The following GABRA2 variants were observed in gnomAD, a reference collection of about 807,000 sequenced individuals.
GABRA2 encodes gamma-aminobutyric acid receptor subunit alpha-2.
In GABRA2, 16 loss-of-function variants were observed where a neutral mutation model predicts 48.7. The observed-to-expected ratio is 0.33, with a 90% CI of 0.22 to 0.50. The LOEUF (loss-of-function observed/expected upper bound fraction) is 0.50. Among genes scored for constraint, GABRA2 ranks in the 20% least tolerant of loss-of-function variants. GABRA2 has a pLI of 0.98. For missense variants in GABRA2, 275 were observed against 535.6 expected (o/e 0.51, Z 4.80); for synonymous variants, 185 against 184.5 (o/e 1.00, Z -0.02).
intron 9 of GABRA2, chr4:46,261,091 T>C (rs974144515): frequency 1.3e-5 from 2 of 151,988 alleles, no homozygotes; most frequent in Admixed American, 6.6e-5. Flanking sequence ...AGAATATAGA[T>C]GATTATGATA....
chr4:46,366,981 ACT>A (rs1244983600), intron 3 of GABRA2: 44 of 152,042 alleles, frequency 2.9e-4, no homozygotes, highest in Non-Finnish European at 1.3e-4. Context: ...ATTACAGATG[ACT>A]GAAGCCATAG....
At chr4:46,338,907 G>A (rs996394792) in intron 3 of GABRA2, among the ~76,000 whole-genome samples, 2 of 151,908 alleles carry the variant, frequency 1.3e-5, no homozygotes, top group Non-Finnish European at 2.9e-5. Context: ...TAAAGCCACT[G>A]CAGTTTCAAA....
intron 4 of GABRA2, among the ~76,000 whole-genome samples, chr4:46,319,986 G>T (rs1028561336): frequency 6.6e-6 from 1 of 151,502 alleles, no homozygotes; most frequent in African/African-American, 2.4e-5. Flanking sequence ...AAGACAGAGA[G>T]GCAAGATTTG....
At chr4:46,379,075 T>C (rs1277745890) in intron 3 of GABRA2, among the ~76,000 whole-genome samples, 1 of 152,232 alleles carries the variant, frequency 6.6e-6, no homozygotes, top group Non-Finnish European at 1.5e-5. Context: ...GAAGCCTATC[T>C]TAGTCCCATT....
intron 8 of GABRA2, among the ~76,000 whole-genome samples, chr4:46,277,148 A>T (rs1389800872): frequency 3.9e-5 from 6 of 152,156 alleles, no homozygotes; most frequent in Non-Finnish European, 7.4e-5. Flanking sequence ...GGCCACCTAT[A>T]TTCCTGAAAC....
chr4:46,347,063 C>T (rs1409941756), intron 3 of GABRA2, among the ~76,000 whole-genome samples: 1 of 151,724 alleles, frequency 6.6e-6, no homozygotes, highest in Admixed American at 6.6e-5. Context: ...TCAATGAGAA[C>T]TATAAAATAT....
intron 3 of GABRA2, among the ~76,000 whole-genome samples, chr4:46,369,647 A>T (rs28573915): frequency 2.6e-5 from 4 of 152,182 alleles, no homozygotes; most frequent in Admixed American, 1.3e-4. Flanking sequence ...TCATTTGTCT[A>T]TCTATTCAAC....
chr4:46,318,142 A>T (rs750487873), intron 4 of GABRA2, among the ~76,000 whole-genome samples: 28 of 151,402 alleles, frequency 1.8e-4, no homozygotes, highest in Non-Finnish European at 3.8e-4. Context: ...GAAAAATATT[A>T]AAAAATATTA....
chr4:46,336,354 A>T (rs942724456), intron 3 of GABRA2, among the ~76,000 whole-genome samples: 2 of 152,186 alleles, frequency 1.3e-5, no homozygotes, highest in African/African-American at 4.8e-5. Flanking sequence ...CCAGTGAAGT[A>T]ACAAAGCTGA....
Position 46,349,534 on chromosome 4 carries a change from G to A in GABRA2, c.188-16852C>T, listed in dbSNP as rs112457262. On this transcript the variant is annotated intron_variant, in intron 3 of 9. Transcript: ENST00000381620. ...TTAGATTTAGATGCTAAAAAACATA[G>A]GTTTTAAGATCGGTTGCTTTTGTTT... 5.1e-3 allele frequency among the ~76,000 whole-genome samples: 782 copies of A among 151,958 alleles called. 8 individuals are homozygous for A. Among genetic ancestry groups the A allele is most frequent in the African/African-American group, 0.017 (711 of 41,504 alleles).
At chr4:46,389,670 G>T in intron 1 of GABRA2, 65 bp downstream of exon 1, 1 of 895,502 alleles carries the variant, frequency 1.1e-6, no homozygotes, top group Non-Finnish European at 1.3e-6. Context: ...GGGAGATGAG[G>T]CATGCACGCG....
intron 2 of GABRA2, among the ~76,000 whole-genome samples, chr4:46,388,262 C>T (rs929974365): frequency 1.3e-5 from 2 of 152,028 alleles, no homozygotes; most frequent in African/African-American, 4.8e-5. Context: ...AGTTAACACT[C>T]AAATCACTTA....
At position 46,310,160 on chromosome 4, in the gene GABRA2, T is replaced by C; in HGVS notation, c.559+13A>G. ...TATTGACCCAAAACATGTAACTTCATCCCTGTACTTACAGCTGCCAAATTT... is the reference window on the plus strand; with the variant it reads ...TATTGACCCAAAACATGTAACTTCACCCCTGTACTTACAGCTGCCAAATTT... On this transcript the variant is annotated intron_variant, in intron 6 of 9. Coordinates refer to ENST00000381620, the MANE Select transcript of GABRA2 (RefSeq NM_000807.4). 2.5e-6 allele frequency: 4 copies of C among 1,601,948 alleles called. No individual in the cohort carries two copies.
chr4:46,378,674 A>T (rs1014957691), intron 3 of GABRA2, among the ~76,000 whole-genome samples: 4 of 152,050 alleles, frequency 2.6e-5, no homozygotes, highest in African/African-American at 9.7e-5. Flanking sequence ...AAAAAATTTA[A>T]AAATTAGCTG....
intron 3 of GABRA2, among the ~76,000 whole-genome samples, chr4:46,383,152 G>C (rs1039152064): frequency 2.0e-5 from 3 of 152,124 alleles, no homozygotes; most frequent in African/African-American, 7.2e-5. Context: ...TTTATTAACT[G>C]TCCACTAAAT....
At chr4:46,380,869 C>T (rs1006151678) in intron 3 of GABRA2, among the ~76,000 whole-genome samples, 1 of 152,134 alleles carries the variant, frequency 6.6e-6, no homozygotes, top group African/African-American at 2.4e-5. Context: ...AACATGTTAT[C>T]ATACATCTCT....
intron 8 of GABRA2, among the ~76,000 whole-genome samples, chr4:46,276,203 A>G (rs1036976123): frequency 6.6e-5 from 10 of 152,180 alleles, no homozygotes; most frequent in Non-Finnish European, 1.5e-4. Flanking sequence ...GTTCCAAGAA[A>G]GAGTACGTTA....
intron 8 of GABRA2, among the ~76,000 whole-genome samples, chr4:46,262,935 GAAGA>G (rs112511990): frequency 0.014 from 1,954 of 140,088 alleles, 18 homozygotes; most frequent in Middle Eastern, 0.025. Context: ...GAGAAAGAAA[GAAGA>G]AAGAAAGAAA....
intron 3 of GABRA2, among the ~76,000 whole-genome samples, chr4:46,336,866 T>G (rs279835): frequency 0.38 from 58,316 of 151,872 alleles, 11,830 homozygotes; most frequent in East Asian, 0.56. Context: ...CTGATTTTTT[T>G]AACTGATTCA....
Sources: gnomAD v4.1 joint callset for allele counts (sites outside exome capture counted in the v4.1 genomes callset) on GRCh38, gnomAD v4.1.1 for gene constraint, MANE v1.5 for transcripts, NCBI Gene and HGNC (gene_info 2026-07-23, HGNC 2026-07-21) for gene names.